Variants in CCBE1 observed in about 807,000 individuals in gnomAD.
CCBE1 encodes collagen and calcium-binding EGF domain-containing protein 1.
CCBE1 carries 37 observed loss-of-function variants against 50.0 expected under a neutral mutation model. The observed-to-expected ratio is 0.74, with a 90% confidence interval of 0.57 to 0.97. CCBE1 has a LOEUF of 0.97. CCBE1 is among the 50% of genes least tolerant of loss of function. The probability of loss-of-function intolerance (pLI) is 0.00; values close to 1 mark genes in which losing one functional copy is unlikely to be tolerated. For synonymous variants in CCBE1, 234 were observed against 203.7 expected, an observed-to-expected ratio of 1.15 and a Z score of -1.27; for missense variants, 538 against 523.8, an observed-to-expected ratio of 1.03 and a Z score of -0.26.
chr18:59,500,318 C>A (rs1431707592), intron 2 of CCBE1, among the ~76,000 whole-genome samples: 2 of 152,200 alleles, frequency 1.3e-5, no homozygotes, highest in African/African-American at 4.8e-5. Context: ...ATGATCCTTT[C>A]TCTATTTGCA....
chr18:59,646,636 G>T (rs2054058126), intron 2 of CCBE1, among the ~76,000 whole-genome samples: 1 of 152,206 alleles, frequency 6.6e-6, no homozygotes, highest in Non-Finnish European at 1.5e-5. Context: ...ACTCTCAAAT[G>T]GGTCTAACCT....
rs539622659 is a variant in CCBE1 at position 59,530,931 on chromosome 18, T to G, written c.213-50693A>C. 3.6e-3 allele frequency among the ~76,000 whole-genome samples: 553 copies of G among 152,332 alleles called. 2 individuals are homozygous for G. The highest frequency in any genetic ancestry group is 0.013 in the African/African-American group (534 of 41,566). On this transcript the variant is annotated intron_variant, in intron 2 of 10. Coordinates refer to ENST00000439986, the MANE Select transcript of CCBE1 (RefSeq NM_133459.4). ...CTATTTCTTAAATTATTTATGATGT[T>G]TTTTCAAATATAATATTTAATAGGA...
At chr18:59,609,159 T>G (rs1289151201) in intron 2 of CCBE1, among the ~76,000 whole-genome samples, 2 of 152,222 alleles carry the variant, frequency 1.3e-5, no homozygotes, top group Non-Finnish European at 2.9e-5. Context: ...GATTCCTTAG[T>G]GTTCTGTTGG....
At position 59,433,282 on chromosome 18, in the gene CCBE1, T is replaced by C. The variant is rs1013798937; in HGVS notation, c.*2626A>G. ...TTAATAAAACTTATTTTTTTTTTTTTAGGGATGGGGTCTTGCTATGTTGCC... is the reference window on the plus strand; with the variant it reads ...TTAATAAAACTTATTTTTTTTTTTTCAGGGATGGGGTCTTGCTATGTTGCC... On this transcript the variant is annotated 3_prime_UTR_variant, in exon 11 of 11. Transcript: ENST00000439986. 1 of 141,978 alleles carries C rather than the reference T, an allele frequency of 7.0e-6. No individual in the cohort carries two copies. Among genetic ancestry groups the C allele is most frequent in the Non-Finnish European group, 1.5e-5 (1 of 64,870 alleles). 8.8% of individuals were successfully genotyped at this position (141,978 alleles called of 1,614,324 possible). A position where few individuals can be genotyped will look rare whatever the true frequency, so the allele number is the denominator to read the frequency against.
intron 2 of CCBE1, among the ~76,000 whole-genome samples, chr18:59,508,909 G>T (rs1378474489): frequency 2.0e-5 from 3 of 151,916 alleles, no homozygotes; most frequent in Non-Finnish European, 2.9e-5. Flanking sequence ...GAACGGCAAG[G>T]TCATGCAACT....
chr18:59,469,749 C>A, intron 3 of CCBE1, 142 bp from the exon 4 acceptor site: 2 of 1,071,728 alleles, frequency 1.9e-6, no homozygotes, highest in Non-Finnish European at 2.8e-6. Flanking sequence ...GGGACAGGAA[C>A]TCTTTAGGGC....
chr18:59,696,526 G>A, intron 2 of CCBE1, 103 bp downstream of exon 2: 1 of 1,584,976 alleles, frequency 6.3e-7, no homozygotes, highest in Non-Finnish European at 8.5e-7. Context: ...CGTAAAAGCT[G>A]CTCCGGTCCC....
At position 59,466,687 on chromosome 18, in the gene CCBE1, A is replaced by G. The variant is rs1301556176; in HGVS notation, c.553+52T>C. 3.0e-6 allele frequency: 4 copies of G among 1,312,230 alleles called. No individual in the cohort carries two copies. The African/African-American group carries it at 4.4e-5, about 15-fold the overall frequency. The allele number at this position is 1,312,230 out of a possible 1,614,324, so 81.3% of individuals were successfully genotyped here. On this transcript the variant is annotated intron_variant, in intron 5 of 10. Coordinates refer to ENST00000439986, the MANE Select transcript of CCBE1 (RefSeq NM_133459.4). ...ATAAACCCCCAAACTGGTTATATATATAATATATAAAAATATGTAATTAGG... is the reference window on the plus strand; with the variant it reads ...ATAAACCCCCAAACTGGTTATATATGTAATATATAAAAATATGTAATTAGG...
intron 2 of CCBE1, among the ~76,000 whole-genome samples, chr18:59,597,666 C>T (rs2053373605): frequency 6.6e-6 from 1 of 152,134 alleles, no homozygotes; most frequent in Non-Finnish European, 1.5e-5. Flanking sequence ...TCGGTCATGG[C>T]TGGATTTAGT....
intron 2 of CCBE1, among the ~76,000 whole-genome samples, chr18:59,562,431 CAG>C (rs1327332681): frequency 6.6e-6 from 1 of 152,150 alleles, no homozygotes; most frequent in Admixed American, 6.5e-5. Context: ...ACCAGCTGCA[CAG>C]AGAGAGGCAG....
chr18:59,697,646 A>G (rs1254361929), upstream of CCBE1: 1 of 366,404 alleles, frequency 2.7e-6, no homozygotes, highest in African/African-American at 2.2e-5. Context: ...CGTCCGATTG[A>G]CAGACTTGCT....
rs534222032 is a variant in CCBE1, at chr18:59,667,218, A to C, written c.212+29411T>G. Among the ~76,000 whole-genome samples, 5 of 152,328 alleles carry C rather than the reference A, an allele frequency of 3.3e-5. No homozygotes were observed. In the South Asian group the frequency reaches 1.0e-3, roughly 32 times the overall value. On this transcript the variant is annotated intron_variant, in intron 2 of 10. Transcript: ENST00000439986. ...CAGGAGTTCAAGGCTGCCGTGAGCC[A>C]TGACTGTGCCATTGCAATCCAGCCT...
At chr18:59,675,204 G>T (rs2054483773) in intron 2 of CCBE1, among the ~76,000 whole-genome samples, 1 of 152,170 alleles carries the variant, frequency 6.6e-6, no homozygotes, top group Admixed American at 6.5e-5. Flanking sequence ...AGTGCCCAAT[G>T]ACAGAAGCCT....
chr18:59,696,640 G>A lies in CCBE1; in HGVS notation c.201C>T (p.Thr67=). The A allele has an allele frequency of 6.2e-7, 1 of 1,614,002 alleles. No individual in the cohort carries two copies. The highest frequency in any genetic ancestry group is 8.5e-7 in the Non-Finnish European group (1 of 1,179,952). Residue 67 remains threonine, a synonymous_variant, in exon 2 of 11, where the codon ACC becomes ACT. Transcript: ENST00000439986. Reference sequence around the variant, plus strand: ...GCCCCCAGGCTTACCTGTAGCATGTGGTGAGCTCGCCTGAAGACTTCAGAC... The same window carrying A: ...GCCCCCAGGCTTACCTGTAGCATGTAGTGAGCTCGCCTGAAGACTTCAGAC... The part of the protein sequence containing the change: ...YPCLKSSGEL[T]TCYRKKCCKG...
intron 2 of CCBE1, among the ~76,000 whole-genome samples, chr18:59,558,582 G>A (rs1398902116): frequency 1.3e-5 from 2 of 152,190 alleles, no homozygotes; most frequent in African/African-American, 4.8e-5. Flanking sequence ...CCTGTAAAAG[G>A]TATAACTGCC....
At chr18:59,550,666 C>T (rs557616001) in intron 2 of CCBE1, among the ~76,000 whole-genome samples, 1 of 152,188 alleles carries the variant, frequency 6.6e-6, no homozygotes, top group East Asian at 1.9e-4. Context: ...TAATGCAAAC[C>T]CCAAACAGCA....
intron 2 of CCBE1, among the ~76,000 whole-genome samples, chr18:59,681,190 G>A (rs1382008731): frequency 2.6e-5 from 4 of 152,092 alleles, no homozygotes; most frequent in Non-Finnish European, 5.9e-5. Flanking sequence ...GCAGCAGAAC[G>A]ATGAAAATGG....
At chr18:59,479,513 C>T (rs188098982) in intron 3 of CCBE1, among the ~76,000 whole-genome samples, 115 of 152,328 alleles carry the variant, frequency 7.5e-4, no homozygotes, top group East Asian at 5.6e-3. Context: ...AGCCTCTGTT[C>T]CAAGTGCTTG....
At chr18:59,475,430 C>T (rs1170859274) in intron 3 of CCBE1, among the ~76,000 whole-genome samples, 1 of 152,232 alleles carries the variant, frequency 6.6e-6, no homozygotes, top group East Asian at 1.9e-4. Flanking sequence ...AACCTTGAGA[C>T]TTATCTGTAA....
Sources: allele counts gnomAD v4.1 joint callset (sites outside exome capture counted in the v4.1 genomes callset), GRCh38; gene constraint gnomAD v4.1.1; transcripts MANE v1.5; gene names NCBI Gene and HGNC (gene_info 2026-07-23, HGNC 2026-07-21).